Variants in PDE4B observed in about 807,000 individuals in gnomAD.
PDE4B encodes 3',5'-cyclic-AMP phosphodiesterase 4B.
Under a neutral mutation model 82.2 loss-of-function variants are expected in PDE4B, and 20 were observed. That is an observed-to-expected ratio of 0.24 (90% CI 0.17 to 0.35). The LOEUF is 0.35. Among genes scored for constraint, PDE4B ranks in the 10% least tolerant of loss-of-function variants. PDE4B has a pLI of 1.00. For synonymous variants in PDE4B, 320 were observed against 318.9 expected (o/e 1.00, Z -0.04); for missense variants, 655 against 907.2 (o/e 0.72, Z 3.57).
chr1:66,108,245 T>C (rs1176756923), intron 3 of PDE4B, among the ~76,000 whole-genome samples: 2 of 151,952 alleles, frequency 1.3e-5, no homozygotes, highest in Non-Finnish European at 2.9e-5. Flanking sequence ...CAGTCCCTGG[T>C]AGCCATCATT....
At chr1:66,047,862 G>T (rs2100849744) in intron 3 of PDE4B, among the ~76,000 whole-genome samples, 1 of 152,064 alleles carries the variant, frequency 6.6e-6, no homozygotes, top group South Asian at 2.1e-4. Context: ...GTCCTGTCCT[G>T]ACAAGGGAAG....
chr1:66,104,977 C>G (rs891750675), intron 3 of PDE4B, among the ~76,000 whole-genome samples: 2 of 151,390 alleles, frequency 1.3e-5, no homozygotes, highest in African/African-American at 4.8e-5. Context: ...GCTTTTGTTG[C>G]CATTGCTTTT....
intron 1 of PDE4B, among the ~76,000 whole-genome samples, chr1:65,877,036 G>A (rs886966701): frequency 6.6e-6 from 1 of 152,022 alleles, no homozygotes; most frequent in Non-Finnish European, 1.5e-5. Flanking sequence ...TTTCTTCACA[G>A]AACTAGAAAA....
chr1:66,106,557 C>T (rs1645361781), intron 3 of PDE4B, among the ~76,000 whole-genome samples: 1 of 150,130 alleles, frequency 6.7e-6, no homozygotes, highest in South Asian at 2.1e-4. Context: ...GGCTGTGAAT[C>T]CATCTGGTCC....
chr1:66,110,039 T>G (rs1194192761), intron 3 of PDE4B, among the ~76,000 whole-genome samples: 4 of 151,948 alleles, frequency 2.6e-5, no homozygotes, highest in Non-Finnish European at 5.9e-5. Flanking sequence ...ATCAAAATGC[T>G]AGCCTTAATA....
chr1:66,048,824 G>A (rs1187819008), intron 3 of PDE4B: 3 of 151,900 alleles, frequency 2.0e-5, no homozygotes, highest in Admixed American at 6.6e-5. Context: ...TTCACTGATA[G>A]GTCAGAGGAC....
intron 3 of PDE4B, among the ~76,000 whole-genome samples, chr1:66,043,356 C>T (rs968874437): frequency 2.0e-5 from 3 of 151,780 alleles, no homozygotes; most frequent in Non-Finnish European, 4.4e-5. Context: ...GCTTACATGA[C>T]AGCTCTCCAA....
chr1:65,952,903 A>T (rs1237522477), intron 3 of PDE4B, among the ~76,000 whole-genome samples: 2 of 152,146 alleles, frequency 1.3e-5, no homozygotes, highest in Non-Finnish European at 2.9e-5. Context: ...GGTGGTTTTC[A>T]GTAAATGATA....
chr1:65,827,971 G>A (rs1307863938), intron 1 of PDE4B, among the ~76,000 whole-genome samples: 1 of 152,108 alleles, frequency 6.6e-6, no homozygotes, highest in Non-Finnish European at 1.5e-5. Flanking sequence ...AAACATGCAA[G>A]CCAGAAGACA....
intron 3 of PDE4B, among the ~76,000 whole-genome samples, chr1:66,068,915 C>A (rs1656008946): frequency 6.6e-6 from 1 of 151,934 alleles, no homozygotes; most frequent in Non-Finnish European, 1.5e-5. Context: ...TAAGTGTCAC[C>A]TCACAGTGTG....
chr1:65,913,305 C>G lies in PDE4B; in HGVS notation c.-10C>G. The G allele has an allele frequency of 6.2e-7, 1 of 1,612,608 alleles. No individual in the cohort carries two copies. Among genetic ancestry groups the G allele is most frequent in the Non-Finnish European group, 8.5e-7 (1 of 1,178,870 alleles). On this transcript the variant is annotated 5_prime_UTR_variant, in exon 2 of 17. Transcript: ENST00000341517. Reference sequence around the variant, plus strand: ...AGACATCCTAAGAGGGGATATTTTCCACCTCTATAATGAAGAAAAGCAGGA... The same window carrying G: ...AGACATCCTAAGAGGGGATATTTTCGACCTCTATAATGAAGAAAAGCAGGA...
chr1:65,805,788 G>A (rs1242585431), intron 1 of PDE4B, among the ~76,000 whole-genome samples: 1 of 152,096 alleles, frequency 6.6e-6, no homozygotes, highest in Non-Finnish European at 1.5e-5. Context: ...ATATTTCCAT[G>A]TCTGTTGGCT....
intron 3 of PDE4B, among the ~76,000 whole-genome samples, chr1:66,221,700 T>A (rs1651002845): frequency 6.6e-6 from 1 of 152,194 alleles, no homozygotes; most frequent in Non-Finnish European, 1.5e-5. Flanking sequence ...GGGGCTTTGA[T>A]ACACAAACAG....
At chr1:66,247,854 G>A (rs913058671) in intron 4 of PDE4B, among the ~76,000 whole-genome samples, 200 bp downstream of exon 4, 2 of 152,068 alleles carry the variant, frequency 1.3e-5, no homozygotes, top group Admixed American at 1.3e-4. Flanking sequence ...GGTCTCCAAG[G>A]GTTTTGGAAA....
chr1:65,802,161 G>T (rs1054756561), intron 1 of PDE4B, among the ~76,000 whole-genome samples: 3 of 152,148 alleles, frequency 2.0e-5, no homozygotes, highest in African/African-American at 7.2e-5. Context: ...GCTACAACCA[G>T]CAAGAAGTTT....
chr1:65,889,208 C>A lies in PDE4B; in HGVS notation c.-70-24037C>A, dbSNP rs544747469. Among the ~76,000 whole-genome samples the A allele has an allele frequency of 5.3e-5, 8 of 152,032 alleles. No individual in the cohort carries two copies. In the East Asian group the frequency reaches 1.5e-3, roughly 29 times the overall value. On this transcript the variant is annotated intron_variant, in intron 1 of 16. Transcript: ENST00000341517. ...AGTGACCTAATGAGATGGTTTTGAT[C>A]CTTCATTCTTTTATGATGTATCACA...
In PDE4B at chr1:66,153,794, G is replaced by A. The variant is rs186714736; in HGVS notation, c.282-93666G>A. 9.3e-4 allele frequency among the ~76,000 whole-genome samples: 142 copies of A among 152,266 alleles called. 1 individual carries two copies. Among genetic ancestry groups the A allele is most frequent in the African/African-American group, 3.3e-3 (136 of 41,546 alleles). The stretch of plus-strand genomic sequence containing the variant: ...TACTCCTACATACAGACATTAGCCA[G>A]ACCAGACAGCAGGCTTGTAGTGGGC... On this transcript the variant is annotated intron_variant, in intron 3 of 16. Coordinates refer to ENST00000341517, the MANE Select transcript of PDE4B (RefSeq NM_002600.4).
chr1:65,884,723 A>G (rs940255626), intron 1 of PDE4B, among the ~76,000 whole-genome samples: 2 of 152,234 alleles, frequency 1.3e-5, no homozygotes, highest in Non-Finnish European at 2.9e-5. Context: ...GATGGATTAA[A>G]GACTTGAATG....
At chr1:65,949,775 C>CGT (rs146326884) in intron 3 of PDE4B, among the ~76,000 whole-genome samples, 3,144 of 151,122 alleles carry the variant, frequency 0.021, 56 homozygotes, top group Middle Eastern at 0.034. Context: ...TAACTTCAAA[C>CGT]GTGTGTGTGT....
Sources: allele counts gnomAD v4.1 joint callset (sites outside exome capture counted in the v4.1 genomes callset), GRCh38; gene constraint gnomAD v4.1.1; transcripts MANE v1.5; gene names NCBI Gene and HGNC (gene_info 2026-07-23, HGNC 2026-07-21).